Variants in PKD2L2 observed in about 807,000 individuals in gnomAD.
The protein encoded by PKD2L2 is polycystin-2-like protein 2.
PKD2L2 carries 67 observed loss-of-function variants against 83.9 expected under a neutral mutation model. That is an observed-to-expected ratio of 0.80 (90% CI 0.66 to 0.98). The LOEUF (loss-of-function observed/expected upper bound fraction) is 0.98. Among genes scored for constraint, PKD2L2 ranks in the 50% least tolerant of loss-of-function variants. The pLI is 0.00. For missense variants in PKD2L2, 632 were observed against 717.2 expected (o/e 0.88, Z 1.36); for synonymous variants, 223 against 237.8 (o/e 0.94, Z 0.57).
intron 8 of PKD2L2, among the ~76,000 whole-genome samples, chr5:137,909,538 A>AT (rs144393648): frequency 3.2e-4 from 27 of 85,308 alleles, no homozygotes; most frequent in African/African-American, 8.1e-4. Context: ...GACAAAAGAA[A>AT]TTTTTTTTTT....
At chr5:137,924,966 T>C (rs1352915635) in intron 10 of PKD2L2, 74 bp from the exon 11 acceptor site, 1 of 904,440 alleles carries the variant, frequency 1.1e-6, no homozygotes, top group East Asian at 2.5e-5. Flanking sequence ...TCCATATTTA[T>C]TTTACTTTGA....
Position 137,930,546 on chromosome 5 carries a change from CTA to C in PKD2L2, c.1671+4620_1671+4621del, listed in dbSNP as rs1197366773. 1.3e-5 allele frequency among the ~76,000 whole-genome samples: 2 copies of C among 151,694 alleles called. 1 individual carries two copies. The highest frequency in any genetic ancestry group is 3.9e-4 in the East Asian group (2 of 5,180). On this transcript the variant is annotated intron_variant, in intron 12 of 14. Transcript: ENST00000508883. Reference sequence around the variant, plus strand: ...ATTAGCCGGGTGTGGTGGCACACGCCTATAATCCCAGCTACTCAGGAGGCTGA... The same window carrying C: ...ATTAGCCGGGTGTGGTGGCACACGCCTAATCCCAGCTACTCAGGAGGCTGA...
chr5:137,941,808 A>G, intron 14 of PKD2L2: 1 of 680,116 alleles, frequency 1.5e-6, no homozygotes, highest in East Asian at 2.7e-5. Flanking sequence ...CAGAGCATAA[A>G]GGAATGTTTT....
At chr5:137,934,877 T>TCA (rs781038312) in intron 12 of PKD2L2, among the ~76,000 whole-genome samples, 8 of 151,540 alleles carry the variant, frequency 5.3e-5, no homozygotes, top group Non-Finnish European at 7.4e-5. Flanking sequence ...AGTGAGACTG[T>TCA]CACACACACA....
At chr5:137,921,135 C>A (rs1345387848) in intron 8 of PKD2L2, among the ~76,000 whole-genome samples, 2 of 151,854 alleles carry the variant, frequency 1.3e-5, no homozygotes, top group African/African-American at 4.8e-5. Context: ...CCGAGGTGGG[C>A]GGATCACTTG....
At chr5:137,889,582 T>C in intron 1 of PKD2L2, 60 bp downstream of exon 1, 10 of 1,414,146 alleles carry the variant, frequency 7.1e-6, no homozygotes, top group Non-Finnish European at 9.4e-6. Context: ...CCAGACACCC[T>C]GAAAGGAACT....
At chr5:137,902,506 A>C (rs1757045886) in intron 5 of PKD2L2, among the ~76,000 whole-genome samples, 1 of 152,016 alleles carries the variant, frequency 6.6e-6, no homozygotes, top group Admixed American at 6.6e-5. Flanking sequence ...CACTTAGTGA[A>C]CAGTAAACAT....
chr5:137,918,487 C>T (rs1450705962), intron 8 of PKD2L2, among the ~76,000 whole-genome samples: 2 of 152,142 alleles, frequency 1.3e-5, no homozygotes, highest in Non-Finnish European at 2.9e-5. Flanking sequence ...TGCATCCCCA[C>T]GATCAGAAGC....
Position 137,908,918 on chromosome 5 carries a change from G to T in PKD2L2, c.1300G>T (p.Asp434Tyr). The T allele has an allele frequency of 1.2e-6, 2 of 1,607,610 alleles. No homozygotes were observed. The highest frequency in any genetic ancestry group is 1.7e-6 in the Non-Finnish European group (2 of 1,176,062). ...ATTTCTTGTTTTTGGATCACAAGTT[G>T]ATGACTTTTCCACTTTTCAGAATTC... The part of the protein sequence containing the change: ...LGFLVFGSQV[D>Y]DFSTFQNSIF... The change falls in exon 8 of 15, where the codon GAT becomes TAT. Residue 434 changes from aspartate (D) to tyrosine (Y), a missense_variant. Physicochemically the swap from Asp to Tyr is radical, Grantham distance 160 (BLOSUM62 -3). Around this residue, in one of 3 missense-constraint regions of PKD2L2, gnomAD observed 399 missense variants for 416.9 expected, o/e 0.96. Transcript: ENST00000508883.
intron 14 of PKD2L2, chr5:137,939,120 A>C (rs1028359006): frequency 6.6e-6 from 1 of 152,184 alleles, no homozygotes; most frequent in African/African-American, 2.4e-5. Flanking sequence ...CACATCCTGT[A>C]AACAGCTGCT....
intron 12 of PKD2L2, among the ~76,000 whole-genome samples, chr5:137,929,183 C>T (rs375231788): frequency 5.9e-5 from 9 of 152,062 alleles, no homozygotes; most frequent in African/African-American, 1.9e-4. Context: ...CAAAGATGGC[C>T]GGGCGCAATG....
At position 137,908,750 on chromosome 5, in the gene PKD2L2, TTTG is replaced by T. The variant is rs774128785; in HGVS notation, c.1147-12_1147-10del. The T allele has an allele frequency of 1.0e-5, 14 of 1,364,648 alleles. No homozygotes were observed. Among genetic ancestry groups the T allele is most frequent in the Admixed American group, 8.5e-5 (4 of 47,068 alleles). 84.5% of individuals were successfully genotyped at this position (1,364,648 alleles called of 1,614,324 possible). A position where few individuals can be genotyped will look rare whatever the true frequency, so the allele number is the denominator to read the frequency against. On this transcript the variant is annotated splice_polypyrimidine_tract_variant and intron_variant, in intron 7 of 14. Coordinates refer to ENST00000508883, the MANE Select transcript of PKD2L2 (RefSeq NM_001300921.2). ...TTGATATTCTCCTATTTCAATTAACTTTGTTCTTTTTCAGATATTCAAATTCAT... is the reference window on the plus strand; with the variant it reads ...TTGATATTCTCCTATTTCAATTAACTTTCTTTTTCAGATATTCAAATTCAT...
chr5:137,890,649 A>G lies in PKD2L2; in HGVS notation c.133+67A>G, dbSNP rs892532384. On this transcript the variant is annotated intron_variant, in intron 2 of 14. Coordinates refer to ENST00000508883, the MANE Select transcript of PKD2L2 (RefSeq NM_001300921.2). Reference sequence around the variant, plus strand: ...AAGTTAAAATGTGGAGATGAAAAATAAAACATACAAACTTCAAAACCACAG... The same window carrying G: ...AAGTTAAAATGTGGAGATGAAAAATGAAACATACAAACTTCAAAACCACAG... The G allele has an allele frequency of 1.7e-5, 12 of 687,770 alleles. No individual in the cohort carries two copies. The African/African-American group carries it at 2.1e-4, about 12-fold the overall frequency. The allele number at this position is 687,770 out of a possible 1,614,324, so 42.6% of individuals were successfully genotyped here. A position where few individuals can be genotyped will look rare whatever the true frequency, so the allele number is the denominator to read the frequency against.
At chr5:137,916,590 G>A (rs76164823) in intron 8 of PKD2L2, among the ~76,000 whole-genome samples, 16,618 of 143,384 alleles carry the variant, frequency 0.12, 1,400 homozygotes, top group East Asian at 0.37. Flanking sequence ...AGTGATTCTC[G>A]TGCCTCAGCC....
At chr5:137,911,433 G>A (rs1757827640) in intron 8 of PKD2L2, among the ~76,000 whole-genome samples, 1 of 152,138 alleles carries the variant, frequency 6.6e-6, no homozygotes, top group Non-Finnish European at 1.5e-5. Flanking sequence ...CTGTGAACAT[G>A]GATGTATAAA....
chr5:137,926,848 A>G (rs1401562873), intron 12 of PKD2L2, among the ~76,000 whole-genome samples: 4 of 152,258 alleles, frequency 2.6e-5, no homozygotes, highest in Non-Finnish European at 4.4e-5. Flanking sequence ...ACTTTTCCCT[A>G]TATGTGGGTT....
intron 8 of PKD2L2, among the ~76,000 whole-genome samples, chr5:137,918,774 T>C (rs1051639589): frequency 6.6e-6 from 1 of 152,126 alleles, no homozygotes; most frequent in Non-Finnish European, 1.5e-5. Flanking sequence ...ATTCTGCCCA[T>C]GTAATTGTTG....
At chr5:137,914,015 G>A (rs1758092973) in intron 8 of PKD2L2, among the ~76,000 whole-genome samples, 1 of 129,896 alleles carries the variant, frequency 7.7e-6, no homozygotes, top group Non-Finnish European at 1.6e-5. Flanking sequence ...TTACAGTCAT[G>A]CACCACCACA....
chr5:137,922,331 T>C (rs1399725954), intron 9 of PKD2L2, among the ~76,000 whole-genome samples: 2 of 152,174 alleles, frequency 1.3e-5, no homozygotes, highest in Non-Finnish European at 2.9e-5. Context: ...GGTGAGCTGG[T>C]GGGGTAAGAA....
Sources: allele counts gnomAD v4.1 joint callset (sites outside exome capture counted in the v4.1 genomes callset), GRCh38; gene constraint gnomAD v4.1.1; regional missense constraint gnomAD v4.1.1; transcripts MANE v1.5; gene names NCBI Gene and HGNC (gene_info 2026-07-23, HGNC 2026-07-21).